OSBPL1A: variants seen among roughly 807,000 people sequenced by gnomAD.
OSBPL1A encodes oxysterol binding protein like 1A.
A neutral mutation model predicts 137.1 loss-of-function variants in OSBPL1A; 80 were observed. The observed-to-expected ratio is 0.58, with a 90% CI of 0.49 to 0.70. OSBPL1A has a LOEUF of 0.70. Ranked by LOEUF, OSBPL1A falls within the 30% of genes least tolerant of loss-of-function variation. OSBPL1A has a pLI of 0.00. For synonymous variants in OSBPL1A, 365 were observed against 389.7 expected (o/e 0.94, Z 0.75); for missense variants, 970 against 1,129.4 (o/e 0.86, Z 2.02).
rs763234169 is a variant in OSBPL1A, at chr18:24,323,539, CTTTTTTTTTTTT to C, written c.626-4742_626-4731del. 6.8e-4 allele frequency among the ~76,000 whole-genome samples: 24 copies of C among 35,154 alleles called. 6 individuals carry two copies. The South Asian group carries it at 0.017, about 25-fold the overall frequency. 23.1% of individuals were successfully genotyped at this position (35,154 alleles called of 152,430 possible). A position where few individuals can be genotyped will look rare whatever the true frequency, so the allele number is the denominator to read the frequency against. On this transcript the variant is annotated intron_variant, in intron 7 of 27. Coordinates refer to ENST00000319481, the MANE Select transcript of OSBPL1A (RefSeq NM_080597.4). ...ACACCCAGCCAGGGTGAGGCTTTTT[CTTTTTTTTTTTT>C]TTTTTTTTTTATTATACTCTAAGTT...
rs555122944 is a variant in OSBPL1A at position 24,166,622 on chromosome 18, G to A, written c.2616C>T (p.Cys872=). The A allele has an allele frequency of 2.5e-6, 4 of 1,612,892 alleles. No individual in the cohort carries two copies. The Admixed American group carries it at 6.7e-5, about 27-fold the overall frequency. The change falls in exon 26 of 28, where the codon TGC becomes TGT. Residue 872 remains cysteine, a synonymous_variant. Coordinates refer to ENST00000319481, the MANE Select transcript of OSBPL1A (RefSeq NM_080597.4). ...DMESVIPKTD[C]RLRPDIRAME... ...TGGCTCTGATGTCAGGCCGTAACCT[G>A]CAGTCTGTCTTGGGAATCACACTCT...
rs117360410 is a variant in OSBPL1A, at chr18:24,213,092, G to A, written c.1601+11950C>T. ...CATATCTTACAACTTAGTCAGAGAC[G>A]AGGGTGACTCAACAGCTGGGTATTT... On this transcript the variant is annotated intron_variant, in intron 17 of 27. Transcript: ENST00000319481. 9.8e-3 allele frequency among the ~76,000 whole-genome samples: 1,490 copies of A among 152,322 alleles called. 13 individuals are homozygous for A. Among genetic ancestry groups the A allele is most frequent in the Non-Finnish European group, 0.016 (1,084 of 68,038 alleles).
At position 24,242,345 on chromosome 18, in the gene OSBPL1A, A is replaced by G. The variant is rs540779595; in HGVS notation, c.1282-2963T>C. 8.0e-5 allele frequency among the ~76,000 whole-genome samples: 12 copies of G among 150,326 alleles called. No individual in the cohort carries two copies. In the South Asian group the frequency reaches 1.5e-3, roughly 18 times the overall value. ...GATTCAGTTAGGGGGTTAAAAAAAA[A>G]AAAGAAAGAAAGAAAAGAAAAGCAC... On this transcript the variant is annotated intron_variant, in intron 15 of 27. Transcript: ENST00000319481.
At position 24,311,999 on chromosome 18, in the gene OSBPL1A, C is replaced by T. The variant is rs762530037; in HGVS notation, c.1077G>A (p.Leu359=). 1.9e-6 allele frequency: 3 copies of T among 1,614,056 alleles called. No individual in the cohort carries two copies. The highest frequency in any genetic ancestry group is 1.1e-5 in the South Asian group (1 of 91,076). ...EEEDTVSAAD[L]KKSLEKAQSC... is the part of the protein sequence containing the mutation. ...TCCTATTTACCTCTAATGATTTCTT[C>T]AGGTCTGCAGCAGAAACCGTATCTT... The change falls in exon 13 of 28, where the codon CTG becomes CTA. Residue 359 remains leucine (L), a synonymous_variant. Transcript: ENST00000319481.
rs2086538598 is a variant in OSBPL1A at position 24,179,437 on chromosome 18, A to G, written c.1910+301T>C. On this transcript the variant is annotated intron_variant, in intron 20 of 27. Coordinates refer to ENST00000319481, the MANE Select transcript of OSBPL1A (RefSeq NM_080597.4). ...CACATGTACCCTAAAACTTAAAGTA[A>G]AAAAAAAAAACAAAACAAAACTCGA... is the stretch of plus-strand genomic sequence containing the variant. 1.6e-5 allele frequency: 5 copies of G among 306,394 alleles called. No individual in the cohort carries two copies. In the Admixed American group the frequency reaches 1.8e-4, roughly 11 times the overall value. 19.0% of individuals were successfully genotyped at this position (306,394 alleles called of 1,614,324 possible). A position where few individuals can be genotyped will look rare whatever the true frequency, so the allele number is the denominator to read the frequency against.
chr18:24,205,552 T>C (rs1386643402), intron 17 of OSBPL1A, among the ~76,000 whole-genome samples: 1 of 152,162 alleles, frequency 6.6e-6, no homozygotes, highest in East Asian at 1.9e-4. Flanking sequence ...TGGAAATTGG[T>C]CAGTGATATA....
chr18:24,352,936 C>A (rs1248500428), intron 4 of OSBPL1A, among the ~76,000 whole-genome samples: 9 of 152,236 alleles, frequency 5.9e-5, no homozygotes, highest in African/African-American at 2.2e-4. Flanking sequence ...TAAAGACTTA[C>A]ATGTTAAACC....
chr18:24,277,731 A>G (rs1206222055), intron 15 of OSBPL1A, among the ~76,000 whole-genome samples: 1 of 152,212 alleles, frequency 6.6e-6, no homozygotes, highest in African/African-American at 2.4e-5. Context: ...TTACGCTGTT[A>G]AATTCCTATG....
At position 24,307,690 on chromosome 18, in the gene OSBPL1A, T is replaced by C. The variant is rs1006469648; in HGVS notation, c.1093-3972A>G. Among the ~76,000 whole-genome samples, 66 of 152,242 alleles carry C rather than the reference T, an allele frequency of 4.3e-4. 2 individuals carry two copies. The stretch of plus-strand genomic sequence containing the variant: ...ATATATCAGCATATATACATCTGCC[T>C]CATTCTTGCATGGATGTACCAATCT... On this transcript the variant is annotated intron_variant, in intron 13 of 27. Transcript: ENST00000319481.
chr18:24,291,379 T>C (rs1367310520), intron 14 of OSBPL1A, among the ~76,000 whole-genome samples: 1 of 151,938 alleles, frequency 6.6e-6, no homozygotes, highest in Non-Finnish European at 1.5e-5. Context: ...GATTAGAAAG[T>C]AGAAAGTCAA....
At chr18:24,235,017 T>A (rs906550166) in intron 16 of OSBPL1A, among the ~76,000 whole-genome samples, 1 of 151,984 alleles carries the variant, frequency 6.6e-6, no homozygotes, top group Non-Finnish European at 1.5e-5. Context: ...ACAAAGTGAG[T>A]GTGAAGAGGC....
chr18:24,169,298 G>A (rs1160705724), intron 24 of OSBPL1A, among the ~76,000 whole-genome samples: 1 of 152,190 alleles, frequency 6.6e-6, no homozygotes, highest in African/African-American at 2.4e-5. Context: ...TTCTGCTTTT[G>A]AGGGATCTTA....
intron 4 of OSBPL1A, among the ~76,000 whole-genome samples, chr18:24,359,240 G>GAGAGAA (rs2091585261): frequency 6.6e-6 from 1 of 151,766 alleles, no homozygotes; most frequent in Admixed American, 6.6e-5. Flanking sequence ...CAGAGACAGA[G>GAGAGAA]AGAGAAAGAG....
chr18:24,162,969 C>T lies in OSBPL1A; in HGVS notation c.*210G>A, dbSNP rs1022709771. On this transcript the variant is annotated 3_prime_UTR_variant, in exon 28 of 28. Coordinates refer to ENST00000319481, the MANE Select transcript of OSBPL1A (RefSeq NM_080597.4). ...TATAAAATAGTATTCCAAATAAGTA[C>T]ATTTTATAGCAAAATTATGCATTTT... The T allele has an allele frequency of 4.7e-6, 2 of 422,596 alleles. No homozygotes were observed. Among genetic ancestry groups the T allele is most frequent in the Middle Eastern group, 6.8e-4 (1 of 1,476 alleles). 26.2% of individuals were successfully genotyped at this position (422,596 alleles called of 1,614,324 possible). A position where few individuals can be genotyped will look rare whatever the true frequency, so the allele number is the denominator to read the frequency against.
At chr18:24,266,532 G>A (rs769849959) in intron 15 of OSBPL1A, among the ~76,000 whole-genome samples, 8 of 152,106 alleles carry the variant, frequency 5.3e-5, no homozygotes, top group Non-Finnish European at 1.2e-4. Context: ...AGAAAAGAAA[G>A]TATGAAGGAA....
At chr18:24,244,176 AG>A (rs1343999550) in intron 15 of OSBPL1A, among the ~76,000 whole-genome samples, 2 of 152,362 alleles carry the variant, frequency 1.3e-5, no homozygotes, top group East Asian at 3.9e-4. Context: ...TAACAGAAAC[AG>A]TGCCTTCTGC....
At chr18:24,352,134 C>T (rs184385172) in intron 4 of OSBPL1A, among the ~76,000 whole-genome samples, 5 of 152,100 alleles carry the variant, frequency 3.3e-5, no homozygotes, top group Admixed American at 2.6e-4. Flanking sequence ...GGCAAAACCT[C>T]GTCTCTACAA....
At chr18:24,269,851 A>AACACACACACAAAC (rs2089672712) in intron 15 of OSBPL1A, among the ~76,000 whole-genome samples, 1 of 139,988 alleles carries the variant, frequency 7.1e-6, no homozygotes, top group African/African-American at 2.7e-5. Context: ...TGACAAGCCT[A>AACACACACACAAAC]ACACACACAC....
intron 18 of OSBPL1A, among the ~76,000 whole-genome samples, chr18:24,183,809 T>A (rs2086674237): frequency 6.6e-6 from 1 of 152,200 alleles, no homozygotes; most frequent in Admixed American, 6.5e-5. Context: ...GTTTTGGGGA[T>A]CTTTTAGCGG....
Sources: gnomAD v4.1 joint callset for allele counts (sites outside exome capture counted in the v4.1 genomes callset) on GRCh38, gnomAD v4.1.1 for gene constraint, MANE v1.5 for transcripts, NCBI Gene and HGNC (gene_info 2026-07-23, HGNC 2026-07-21) for gene names.